OPRM1: variants seen among roughly 807,000 people sequenced by gnomAD.
OPRM1 encodes mu-type opioid receptor.
OPRM1 carries 27 observed loss-of-function variants against 31.8 expected under a neutral mutation model. The observed-to-expected ratio is 0.85, with a 90% CI of 0.63 to 1.17. The LOEUF (loss-of-function observed/expected upper bound fraction) is 1.17. Ranked by LOEUF, OPRM1 falls within the 50% of genes most tolerant of loss-of-function variation. The pLI, the probability that OPRM1 is intolerant of heterozygous loss-of-function variation, is 0.00. For missense variants in OPRM1, 536 were observed against 511.1 expected (o/e 1.05, Z -0.47); for synonymous variants, 196 against 189.9 (o/e 1.03, Z -0.26).
chr6:154,140,361 C>T (rs1034191316), intron 3 of OPRM1, among the ~76,000 whole-genome samples: 8 of 150,026 alleles, frequency 5.3e-5, no homozygotes, highest in South Asian at 2.1e-4. Context: ...GAAAGAGTCT[C>T]GCTCTGTCAC....
At chr6:154,084,446 T>G (rs1790005570) in intron 1 of OPRM1, among the ~76,000 whole-genome samples, 1 of 150,912 alleles carries the variant, frequency 6.6e-6, no homozygotes, top group Non-Finnish European at 1.5e-5. Flanking sequence ...CACTCACAAG[T>G]AAAAACGCAC....
At chr6:154,179,734 G>A (rs967483549) in intron 3 of OPRM1, among the ~76,000 whole-genome samples, 7 of 152,128 alleles carry the variant, frequency 4.6e-5, no homozygotes, top group African/African-American at 7.2e-5. Flanking sequence ...TAAAGATTCC[G>A]GAAAAACAGT....
Position 154,094,207 on chromosome 6 carries a change from C to T in OPRM1, c.1164+2735C>T, listed in dbSNP as rs751985982. The T allele has an allele frequency of 1.1e-5, 14 of 1,285,102 alleles. No individual in the cohort carries two copies. In the South Asian group the frequency reaches 1.5e-4, roughly 14 times the overall value. The allele number at this position is 1,285,102 out of a possible 1,614,324, so 79.6% of individuals were successfully genotyped here. A position where few individuals can be genotyped will look rare whatever the true frequency, so the allele number is the denominator to read the frequency against. ...GCACATTAGTCAACTTCATATTCTG[C>T]AGATCAGAGATCCAATATCAAACCT... On this transcript the variant is annotated intron_variant, in intron 3 of 3. Transcript: ENST00000330432.
chr6:154,115,400 T>G (rs1389244818), intron 3 of OPRM1, among the ~76,000 whole-genome samples: 1 of 151,886 alleles, frequency 6.6e-6, no homozygotes, highest in Non-Finnish European at 1.5e-5. Flanking sequence ...ATTAGCCAGG[T>G]GTGGTGGTGC....
chr6:154,119,033 G>T lies in OPRM1; in HGVS notation c.*312G>T. The T allele has an allele frequency of 9.1e-7, 1 of 1,095,114 alleles. No homozygotes were observed. The highest frequency in any genetic ancestry group is 1.1e-6 in the Non-Finnish European group (1 of 900,674). The allele number at this position is 1,095,114 out of a possible 1,614,324, so 67.8% of individuals were successfully genotyped here. On this transcript the variant is annotated 3_prime_UTR_variant, in exon 4 of 4. Coordinates refer to ENST00000330432, the MANE Select transcript of OPRM1 (RefSeq NM_000914.5). ...TAAAAGGTGACCCTTCTGTCTGTAA[G>T]ATTTTATTTTCAAGCAAATATTTAT...
At chr6:154,133,747 C>G (rs1797987788), downstream of OPRM1, among the ~76,000 whole-genome samples, 1 of 152,134 alleles carries the variant, frequency 6.6e-6, no homozygotes, top group Admixed American at 6.5e-5. Flanking sequence ...TTGATCTGTC[C>G]ATTCTGTTTT....
chr6:154,084,065 A>G (rs185606286), intron 1 of OPRM1, among the ~76,000 whole-genome samples: 1 of 151,776 alleles, frequency 6.6e-6, no homozygotes, highest in African/African-American at 2.4e-5. Flanking sequence ...TTAATTTCAT[A>G]CAGGCCTCTC....
At chr6:154,075,663 G>C (rs915045644) in intron 1 of OPRM1, among the ~76,000 whole-genome samples, 4 of 152,082 alleles carry the variant, frequency 2.6e-5, no homozygotes, top group African/African-American at 9.7e-5. Context: ...TTTGGGCCAG[G>C]CTGGTCTCAA....
chr6:154,151,334 G>T (rs73576500), intron 3 of OPRM1, among the ~76,000 whole-genome samples: 1 of 152,166 alleles, frequency 6.6e-6, no homozygotes, highest in African/African-American at 2.4e-5. Context: ...GACCTTAGTT[G>T]TGGACCAGAT....
intron 3 of OPRM1, chr6:154,223,058 A>G (rs1489985630): frequency 7.2e-6 from 6 of 835,822 alleles, no homozygotes; most frequent in Non-Finnish European, 1.2e-5. Flanking sequence ...TCAAATTCTC[A>G]GACATTCCGA....
chr6:154,072,253 A>C (rs1786943927), intron 1 of OPRM1, among the ~76,000 whole-genome samples: 1 of 152,200 alleles, frequency 6.6e-6, no homozygotes, highest in Non-Finnish European at 1.5e-5. Flanking sequence ...GTTAGGATCA[A>C]GAGAATGCAT....
intron 3 of OPRM1, among the ~76,000 whole-genome samples, chr6:154,163,839 A>AATAG (rs1042167272): frequency 1.9e-3 from 282 of 152,324 alleles, no homozygotes; most frequent in African/African-American, 6.3e-3. Context: ...GATAGATATT[A>AATAG]ATAGATAGAT....
intron 1 of OPRM1, among the ~76,000 whole-genome samples, chr6:154,057,852 AG>A (rs1562409077): frequency 6.6e-6 from 1 of 152,192 alleles, no homozygotes; most frequent in Non-Finnish European, 1.5e-5. Context: ...GACAGGCAAG[AG>A]AAAAATCAAG....
chr6:154,112,610 A>T (rs1366571288), intron 3 of OPRM1, among the ~76,000 whole-genome samples: 1 of 152,230 alleles, frequency 6.6e-6, no homozygotes, highest in Non-Finnish European at 1.5e-5. Flanking sequence ...TTAATTGACT[A>T]TGACTAGCTG....
intron 3 of OPRM1, among the ~76,000 whole-genome samples, chr6:154,101,085 A>G (rs577580860): frequency 6.6e-6 from 1 of 151,940 alleles, no homozygotes; most frequent in Admixed American, 6.6e-5. Context: ...ATATTAAGAA[A>G]TAAGAATAAC....
chr6:154,075,402 C>T (rs1206313145), intron 1 of OPRM1, among the ~76,000 whole-genome samples: 1 of 151,496 alleles, frequency 6.6e-6, no homozygotes, highest in African/African-American at 2.4e-5. Flanking sequence ...TTTTTGTACC[C>T]TTTTCATAGA....
At chr6:154,072,925 G>C (rs762464696) in intron 1 of OPRM1, among the ~76,000 whole-genome samples, 4 of 152,178 alleles carry the variant, frequency 2.6e-5, no homozygotes, top group Non-Finnish European at 4.4e-5. Flanking sequence ...TTAGAAAATA[G>C]AGTACTTTTA....
chr6:154,146,509 T>C (rs1275158611), intron 3 of OPRM1, among the ~76,000 whole-genome samples: 5 of 152,304 alleles, frequency 3.3e-5, no homozygotes, highest in African/African-American at 1.2e-4. Flanking sequence ...ATTTATAAGG[T>C]ATATAATGGA....
rs1797603693 is a variant in OPRM1, at chr6:154,126,693, C to T, written c.*7972C>T. Reference sequence around the variant, plus strand: ...TAGATTTGGCTTCCATGGTTGTTCACTGCTCTGTGTTAGGAAGGCTCAGTG... The same window carrying T: ...TAGATTTGGCTTCCATGGTTGTTCATTGCTCTGTGTTAGGAAGGCTCAGTG... On this transcript the variant is annotated 3_prime_UTR_variant, in exon 4 of 4. Transcript: ENST00000330432. Among the ~76,000 whole-genome samples the T allele has an allele frequency of 6.6e-6, 1 of 152,138 alleles. No homozygotes were observed. Among genetic ancestry groups the T allele is most frequent in the South Asian group, 2.1e-4 (1 of 4,820 alleles).
Sources: gnomAD v4.1 joint callset for allele counts (sites outside exome capture counted in the v4.1 genomes callset) on GRCh38, gnomAD v4.1.1 for gene constraint, MANE v1.5 for transcripts, NCBI Gene and HGNC (gene_info 2026-07-23, HGNC 2026-07-21) for gene names.